The following PTCHD4 variants were observed in gnomAD, a reference collection of about 807,000 sequenced individuals.
PTCHD4 encodes the protein patched domain containing 4.
Under a neutral mutation model 58.1 loss-of-function variants are expected in PTCHD4, and 33 were observed. That is an observed-to-expected ratio of 0.57 (90% CI 0.43 to 0.76). The LOEUF (loss-of-function observed/expected upper bound fraction) is 0.76, where lower values mean the gene tolerates loss of function less well. Ranked by LOEUF, PTCHD4 falls within the 30% of genes least tolerant of loss-of-function variation. PTCHD4 has a pLI of 0.00. For synonymous variants in PTCHD4, 478 were observed against 409.6 expected (o/e 1.17, Z -2.02); for missense variants, 1,058 against 1,027.1 (o/e 1.03, Z -0.41).
At chr6:47,990,998 A>G (rs1156684133) in intron 4 of PTCHD4, among the ~76,000 whole-genome samples, 1 of 152,168 alleles carries the variant, frequency 6.6e-6, no homozygotes, top group Non-Finnish European at 1.5e-5. Flanking sequence ...CACAGAGACA[A>G]GGGGAAAATA....
At chr6:47,968,170 A>T (rs904283133) in intron 4 of PTCHD4, among the ~76,000 whole-genome samples, 2 of 152,102 alleles carry the variant, frequency 1.3e-5, no homozygotes, top group Non-Finnish European at 2.9e-5. Context: ...AACTGGCCTA[A>T]CTTTAATATT....
At chr6:48,073,155 T>C (rs1209228861) in intron 1 of PTCHD4, among the ~76,000 whole-genome samples, 4 of 152,152 alleles carry the variant, frequency 2.6e-5, no homozygotes, top group South Asian at 4.1e-4. Flanking sequence ...CTGAAAGTGG[T>C]GCATTTAGGG....
intron 4 of PTCHD4, among the ~76,000 whole-genome samples, chr6:47,984,942 T>C (rs1483920223): frequency 6.6e-6 from 1 of 152,120 alleles, no homozygotes; most frequent in Non-Finnish European, 1.5e-5. Flanking sequence ...TTTATTAAGA[T>C]TTTTCTGTGT....
At position 47,856,753 on chromosome 6, in the gene PTCHD4, T is replaced by C. The variant is rs1763318856; in HGVS notation, c.*21550A>G. On this transcript the variant is annotated 3_prime_UTR_variant, in exon 5 of 5. Coordinates refer to ENST00000339488, the MANE Select transcript of PTCHD4 (RefSeq NM_001384253.1). The stretch of plus-strand genomic sequence containing the variant: ...CACAAGCTAATAAATCTTGGTAAGT[T>C]ATAGAGAGAATAATTTTATGAACAT... Among the ~76,000 whole-genome samples, 2 of 152,016 alleles carry C rather than the reference T, an allele frequency of 1.3e-5. No homozygotes were observed. Among genetic ancestry groups the C allele is most frequent in the African/African-American group, 2.4e-5 (1 of 41,402 alleles).
rs149942348 is a variant in PTCHD4, at chr6:48,014,967, C to G, written c.418-5853G>C. On this transcript the variant is annotated intron_variant, in intron 3 of 4. Transcript: ENST00000339488. ...GATTAAAAGTTATTTCACTTGCAGA[C>G]CCCCTTTTCCAATGTCGTCCTCTCC... Among the ~76,000 whole-genome samples, 16 of 152,232 alleles carry G rather than the reference C, an allele frequency of 1.1e-4. No homozygotes were observed. In the East Asian group the frequency reaches 3.1e-3, roughly 29 times the overall value.
intron 3 of PTCHD4, among the ~76,000 whole-genome samples, chr6:48,042,275 C>A (rs1349627263): frequency 6.6e-6 from 1 of 151,964 alleles, no homozygotes; most frequent in African/African-American, 2.4e-5. Flanking sequence ...TTCTACATAG[C>A]TTCCTATCAG....
intron 4 of PTCHD4, among the ~76,000 whole-genome samples, chr6:47,948,930 C>G (rs6901235): frequency 2.6e-5 from 4 of 152,228 alleles, no homozygotes; most frequent in Admixed American, 2.0e-4. Flanking sequence ...AAAACATTAT[C>G]GAGCATATAC....
At chr6:47,887,569 GCTGGTT>G (rs1764231244) in intron 4 of PTCHD4, among the ~76,000 whole-genome samples, 1 of 152,090 alleles carries the variant, frequency 6.6e-6, no homozygotes, top group Non-Finnish European at 1.5e-5. Flanking sequence ...CATTAATTTG[GCTGGTT>G]CAGGATTATG....
intron 3 of PTCHD4, among the ~76,000 whole-genome samples, chr6:48,037,692 A>G (rs1378155087): frequency 6.6e-6 from 1 of 152,170 alleles, no homozygotes; most frequent in Non-Finnish European, 1.5e-5. Flanking sequence ...AACATCACTC[A>G]GACTATGTAA....
Position 48,010,530 on chromosome 6 carries a change from T to C in PTCHD4, c.418-1416A>G, listed in dbSNP as rs534248809. On this transcript the variant is annotated intron_variant, in intron 3 of 4. Transcript: ENST00000339488. ...GAGTGTGTTGCAAACACAAAAAGTTTACAATATTTACAGAGAGTAAAAATG... is the reference window on the plus strand; with the variant it reads ...GAGTGTGTTGCAAACACAAAAAGTTCACAATATTTACAGAGAGTAAAAATG... Among the ~76,000 whole-genome samples, 23 of 152,280 alleles carry C rather than the reference T, an allele frequency of 1.5e-4. No homozygotes were observed. The South Asian group carries it at 4.6e-3, about 30-fold the overall frequency.
At chr6:47,955,865 C>T (rs1766838632) in intron 4 of PTCHD4, among the ~76,000 whole-genome samples, 1 of 152,116 alleles carries the variant, frequency 6.6e-6, no homozygotes. Context: ...GGGCAGGAGG[C>T]CTGTCCTGTT....
intron 3 of PTCHD4, among the ~76,000 whole-genome samples, chr6:48,012,597 C>T (rs1051467165): frequency 4.6e-5 from 7 of 152,246 alleles, no homozygotes; most frequent in Middle Eastern, 3.4e-3. Context: ...CTGGCCAGAA[C>T]TTCCAATACT....
intron 3 of PTCHD4, among the ~76,000 whole-genome samples, chr6:48,029,009 A>G (rs979170426): frequency 6.6e-6 from 1 of 152,076 alleles, no homozygotes; most frequent in Non-Finnish European, 1.5e-5. Context: ...AATCTTCTTT[A>G]TATGATGTTT....
rs769460785 is a variant in PTCHD4, at chr6:48,085,801, A to AT, written c.-969-15876dup. Among the ~76,000 whole-genome samples the AT allele has an allele frequency of 9.2e-5, 14 of 151,974 alleles. No individual in the cohort carries two copies. In the East Asian group the frequency reaches 2.3e-3, roughly 25 times the overall value. On this transcript the variant is annotated intron_variant, in intron 1 of 4. Transcript: ENST00000339488. The stretch of plus-strand genomic sequence containing the variant: ...TAAGATATTCCATTTACAATTTTCT[A>AT]TTTTTTTCAGATTGCTGTTTATCTA...
intron 3 of PTCHD4, among the ~76,000 whole-genome samples, chr6:48,021,559 A>T (rs550731271): frequency 6.6e-6 from 1 of 152,150 alleles, no homozygotes; most frequent in African/African-American, 2.4e-5. Flanking sequence ...AACAATAATT[A>T]TTTTTTGAGT....
At chr6:48,060,300 G>T (rs900025426) in intron 3 of PTCHD4, among the ~76,000 whole-genome samples, 1 of 152,206 alleles carries the variant, frequency 6.6e-6, no homozygotes, top group Non-Finnish European at 1.5e-5. Flanking sequence ...TGAGGTAAGA[G>T]AACGGAGCTC....
chr6:47,969,128 A>G (rs1026440077), intron 4 of PTCHD4, among the ~76,000 whole-genome samples: 3 of 152,238 alleles, frequency 2.0e-5, no homozygotes, highest in African/African-American at 7.2e-5. Context: ...ACAATACAAA[A>G]CAGAGAAAGG....
intron 1 of PTCHD4, among the ~76,000 whole-genome samples, chr6:48,094,944 G>T (rs1445343267): frequency 6.6e-6 from 1 of 152,058 alleles, no homozygotes; most frequent in East Asian, 1.9e-4. Flanking sequence ...TAAAACTCTA[G>T]AAAAAGCAAA....
At chr6:48,021,485 C>T (rs1467053188) in intron 3 of PTCHD4, among the ~76,000 whole-genome samples, 1 of 152,116 alleles carries the variant, frequency 6.6e-6, no homozygotes, top group Non-Finnish European at 1.5e-5. Flanking sequence ...GCCTTTGTAC[C>T]TTTCCATCTC....
Sources: allele counts gnomAD v4.1 joint callset (sites outside exome capture counted in the v4.1 genomes callset), GRCh38; gene constraint gnomAD v4.1.1; transcripts MANE v1.5; gene names NCBI Gene and HGNC (gene_info 2026-07-23, HGNC 2026-07-21).